The following MYOM2 variants were observed in gnomAD, a reference collection of about 807,000 sequenced individuals.
MYOM2 encodes the protein myomesin 2, also known as myomesin-2.
A neutral mutation model predicts 187.6 loss-of-function variants in MYOM2; 254 were observed. The observed-to-expected ratio is 1.35, with a 90% CI of 1.22 to 1.50. The LOEUF is 1.50. MYOM2 is among the 40% of genes most tolerant of loss of function. MYOM2 has a pLI of 0.00. For missense variants in MYOM2, 2,796 were observed against 1,924.0 expected, an observed-to-expected ratio of 1.45 and a Z score of -8.48; for synonymous variants, 981 against 753.8, an observed-to-expected ratio of 1.30 and a Z score of -4.94.
intron 13 of MYOM2, among the ~76,000 whole-genome samples, chr8:2,083,542 T>C (rs1369386360): frequency 6.6e-6 from 1 of 152,210 alleles, no homozygotes; most frequent in East Asian, 1.9e-4. Flanking sequence ...GCATCTTGCG[T>C]GTGCTTAGCG....
chr8:2,131,286 C>T (rs1333464409), intron 32 of MYOM2, among the ~76,000 whole-genome samples: 2 of 152,140 alleles, frequency 1.3e-5, no homozygotes, highest in Admixed American at 6.6e-5. Flanking sequence ...GGTATTTATA[C>T]CCACATTTTA....
chr8:2,047,970 C>T (rs1006656487), intron 1 of MYOM2, among the ~76,000 whole-genome samples: 3 of 152,230 alleles, frequency 2.0e-5, no homozygotes, highest in South Asian at 2.1e-4. Context: ...AGACCTGAGC[C>T]GTTTCACATT....
At chr8:2,080,992 CA>C (rs1819604324) in intron 13 of MYOM2, among the ~76,000 whole-genome samples, 7 of 137,754 alleles carry the variant, frequency 5.1e-5, no homozygotes, top group Admixed American at 1.5e-4. Context: ...ACAGGCAGCC[CA>C]GCCCTTGCAG....
At chr8:2,108,703 T>C in intron 23 of MYOM2, 83 bp from the exon 24 acceptor site, 2 of 1,329,554 alleles carry the variant, frequency 1.5e-6, no homozygotes, top group Non-Finnish European at 2.2e-6. Flanking sequence ...TTTCCAATCT[T>C]GCTCGTGTGT....
intron 32 of MYOM2, among the ~76,000 whole-genome samples, chr8:2,136,119 G>A (rs913241262): frequency 1.3e-5 from 2 of 152,362 alleles, no homozygotes; most frequent in Non-Finnish European, 2.9e-5. Context: ...CAGTCCAAGA[G>A]AAGTGTGTGT....
At position 2,078,847 on chromosome 8, in the gene MYOM2, C is replaced by A; in HGVS notation, c.1376C>A (p.Ala459Glu). Residue 459 changes from alanine to glutamate, a missense_variant, in exon 12 of 37, where the codon GCA becomes GAA. Ala to Glu is a moderately radical substitution (Grantham distance 107). Transcript: ENST00000262113. ...EGRSYIFRVR[A>E]VNSAGISRPS... Reference sequence around the variant, plus strand: ...AGGTCTTACATATTCCGAGTGAGGGCAGTGAACAGTGCGGGCATCAGCCGA... The same window carrying A: ...AGGTCTTACATATTCCGAGTGAGGGAAGTGAACAGTGCGGGCATCAGCCGA... 1 of 1,614,112 alleles carries A rather than the reference C, an allele frequency of 6.2e-7. No individual in the cohort carries two copies. Among genetic ancestry groups the A allele is most frequent in the African/African-American group, 1.3e-5 (1 of 75,038 alleles).
At chr8:2,046,569 C>A (rs981905214) in intron 1 of MYOM2, among the ~76,000 whole-genome samples, 1 of 152,152 alleles carries the variant, frequency 6.6e-6, no homozygotes, top group African/African-American at 2.4e-5. Context: ...AGCTGGGGGA[C>A]TGTTAGCTGC....
At chr8:2,138,812 A>C (rs1009269338) in intron 32 of MYOM2, among the ~76,000 whole-genome samples, 3 of 152,182 alleles carry the variant, frequency 2.0e-5, no homozygotes, top group African/African-American at 7.2e-5. Flanking sequence ...CCGGGATCCC[A>C]GAGGCTAAGT....
chr8:2,054,879 C>CACCTGGATACTGGGAAACCAAGT (rs1818604662), intron 3 of MYOM2, among the ~76,000 whole-genome samples: 1 of 135,264 alleles, frequency 7.4e-6, no homozygotes, highest in African/African-American at 2.9e-5. Context: ...TGGCACCTGG[C>CACCTGGATACTGGGAAACCAAGT]ACCTGGATAC....
chr8:2,089,143 T>C (rs1000735605), intron 14 of MYOM2, among the ~76,000 whole-genome samples: 1 of 82,170 alleles, frequency 1.2e-5, no homozygotes, highest in African/African-American at 3.4e-5. Flanking sequence ...CCAGGGTCAG[T>C]GTATATCCAA....
chr8:2,110,283 A>G lies in MYOM2; in HGVS notation c.3180+752A>G, dbSNP rs1378479126. Among the ~76,000 whole-genome samples the G allele has an allele frequency of 7.2e-5, 11 of 152,202 alleles. No individual in the cohort carries two copies. In the East Asian group the frequency reaches 2.1e-3, roughly 29 times the overall value. ...AGCTGCAGTGAGTTATGATTGAACTACTGCACTCTAGCCTGGGAGACAGCA... is the reference window on the plus strand; with the variant it reads ...AGCTGCAGTGAGTTATGATTGAACTGCTGCACTCTAGCCTGGGAGACAGCA... On this transcript the variant is annotated intron_variant, in intron 25 of 36. Transcript: ENST00000262113.
intron 36 of MYOM2, 117 bp downstream of exon 36, chr8:2,143,573 C>T (rs1168793358): frequency 1.6e-6 from 2 of 1,276,050 alleles, no homozygotes; most frequent in Non-Finnish European, 2.3e-6. Flanking sequence ...CCTCACTCAG[C>T]CTGCAGGGAA....
At chr8:2,137,309 G>A (rs964790856) in intron 32 of MYOM2, among the ~76,000 whole-genome samples, 8 of 152,086 alleles carry the variant, frequency 5.3e-5, no homozygotes, top group African/African-American at 1.9e-4. Context: ...TGGTGAGACT[G>A]ACCAGCGACA....
At chr8:2,118,352 G>A (rs1585937168) in intron 28 of MYOM2, among the ~76,000 whole-genome samples, 1 of 152,164 alleles carries the variant, frequency 6.6e-6, no homozygotes, top group Admixed American at 6.5e-5. Context: ...TAACAATGTA[G>A]TAATGAAATA....
At chr8:2,101,161 C>T in intron 20 of MYOM2, 107 bp downstream of exon 20, 3 of 1,100,454 alleles carry the variant, frequency 2.7e-6, no homozygotes, top group South Asian at 3.0e-5. Context: ...GCCTGGCCAA[C>T]ATGGAGAAGC....
intron 21 of MYOM2, among the ~76,000 whole-genome samples, chr8:2,104,082 G>A (rs549857502): frequency 5.1e-4 from 77 of 152,292 alleles, no homozygotes; most frequent in African/African-American, 1.4e-3. Context: ...TCTTCGAATC[G>A]TCAAGCCACG....
chr8:2,077,740 C>T (rs1176813659), intron 11 of MYOM2, among the ~76,000 whole-genome samples: 1 of 152,158 alleles, frequency 6.6e-6, no homozygotes, highest in African/African-American at 2.4e-5. Flanking sequence ...CCCCTCATTA[C>T]AAAAAGCGCA....
chr8:2,096,139 C>G (rs889308592), intron 17 of MYOM2, 108 bp from the exon 18 acceptor site: 1 of 1,031,578 alleles, frequency 9.7e-7, no homozygotes, highest in Admixed American at 2.1e-5. Context: ...TGTTCAGGCC[C>G]GTCTCCACGT....
Position 2,109,474 on chromosome 8 carries a change from A to G in MYOM2, c.3123A>G (p.Leu1041=), listed in dbSNP as rs1406878586. 6.2e-7 allele frequency: 1 copy of G among 1,613,514 alleles called. No homozygotes were observed. The highest frequency in any genetic ancestry group is 8.5e-7 in the Non-Finnish European group (1 of 1,179,722). Residue 1041 remains leucine, a synonymous_variant, in exon 25 of 37, where the codon TTA becomes TTG. Transcript: ENST00000262113. ...GCTTCTGGCTCCAGGCTGAGCACTT[A>G]TCACCAGATGCCAGCTACCGATTTA... ...RVRFWLQAEH[L]SPDASYRFII...
Sources: allele counts gnomAD v4.1 joint callset (sites outside exome capture counted in the v4.1 genomes callset), GRCh38; gene constraint gnomAD v4.1.1; transcripts MANE v1.5; gene names NCBI Gene and HGNC (gene_info 2026-07-23, HGNC 2026-07-21).